INTS8: variants seen among roughly 807,000 people sequenced by gnomAD.
INTS8 encodes integrator complex subunit 8, also known as protein kaonashi-1.
Under a neutral mutation model 138.9 loss-of-function variants are expected in INTS8, and 47 were observed. The observed-to-expected ratio is 0.34, with a 90% confidence interval of 0.27 to 0.43. The LOEUF is 0.43. INTS8 is among the 20% of genes least tolerant of loss of function. The pLI is 1.00. For synonymous variants in INTS8, 392 were observed against 400.9 expected (o/e 0.98, Z 0.27); for missense variants, 996 against 1,173.0 (o/e 0.85, Z 2.20).
intron 2 of INTS8, among the ~76,000 whole-genome samples, chr8:94,826,799 A>C (rs927141655): frequency 1.3e-5 from 2 of 152,180 alleles, no homozygotes; most frequent in African/African-American, 4.8e-5. Context: ...CATAATAAAA[A>C]GTTTTAAAAA....
chr8:94,861,286 G>T (rs1352496154), intron 16 of INTS8, among the ~76,000 whole-genome samples: 1 of 10,738 alleles, frequency 9.3e-5, no homozygotes, highest in Non-Finnish European at 1.9e-4. Flanking sequence ...TTTTGAGACG[G>T]AGTCTCGCTC....
In INTS8 at chr8:94,881,577, A is replaced by T. The variant is rs1816814134; in HGVS notation, c.*1343A>T. On this transcript the variant is annotated 3_prime_UTR_variant, in exon 27 of 27. Transcript: ENST00000523731. ...TCTGTAAAACTTTAGTAGTTCAGTG[A>T]TACCAGTTCTACCCAATCTTGGTGA... The T allele has an allele frequency of 6.3e-7, 1 of 1,576,110 alleles. No homozygotes were observed. The highest frequency in any genetic ancestry group is 1.8e-5 in the Admixed American group (1 of 55,286).
chr8:94,838,855 T>C (rs145030828), intron 8 of INTS8, among the ~76,000 whole-genome samples: 53 of 152,372 alleles, frequency 3.5e-4, no homozygotes, highest in Non-Finnish European at 6.6e-4. Flanking sequence ...TACTTCATCA[T>C]TGCTGTTATC....
At chr8:94,868,054 T>C (rs111876312) in intron 20 of INTS8, among the ~76,000 whole-genome samples, 11 of 152,230 alleles carry the variant, frequency 7.2e-5, no homozygotes, top group African/African-American at 2.7e-4. Flanking sequence ...CCCAATCTCT[T>C]TTAGTTGCTG....
intron 6 of INTS8, among the ~76,000 whole-genome samples, chr8:94,835,314 T>G (rs1441914885): frequency 1.3e-5 from 2 of 152,348 alleles, no homozygotes; most frequent in African/African-American, 4.8e-5. Flanking sequence ...CTAAATAATC[T>G]GAGTCTTTTT....
At chr8:94,829,227 T>TATA (rs1393668766) in intron 5 of INTS8, among the ~76,000 whole-genome samples, 2 of 152,020 alleles carry the variant, frequency 1.3e-5, no homozygotes, top group African/African-American at 4.8e-5. Flanking sequence ...TCCATTATTA[T>TATA]TACGTTGTAA....
At chr8:94,878,802 C>CAGAA (rs1816670136) in intron 26 of INTS8, among the ~76,000 whole-genome samples, 1 of 152,216 alleles carries the variant, frequency 6.6e-6, no homozygotes, top group Non-Finnish European at 1.5e-5. Flanking sequence ...GGATACTTTT[C>CAGAA]AGTCCTTTTC....
intron 14 of INTS8, 136 bp downstream of exon 14, chr8:94,854,051 A>G (rs569444255): frequency 2.2e-4 from 119 of 529,380 alleles, no homozygotes; most frequent in Non-Finnish European, 3.4e-4. Flanking sequence ...CCTGGCCAAC[A>G]TGGTGAAACC....
chr8:94,832,118 G>A lies in INTS8; in HGVS notation c.697G>A (p.Glu233Lys). The A allele has an allele frequency of 6.2e-7, 1 of 1,613,856 alleles. No individual in the cohort carries two copies. Among genetic ancestry groups the A allele is most frequent in the Non-Finnish European group, 8.5e-7 (1 of 1,179,920 alleles). ...LAMEPGMVNG[E>K]TESSTAGLKV... Reference sequence around the variant, plus strand: ...CATGGAACCAGGCATGGTAAATGGAGAAACTGAGAGTTCTACTGCTGGATT... The same window carrying A: ...CATGGAACCAGGCATGGTAAATGGAAAAACTGAGAGTTCTACTGCTGGATT... The change falls in exon 6 of 27, where the codon GAA becomes AAA. Residue 233 changes from glutamate to lysine, a missense_variant. By Grantham distance (56) the Glu-to-Lys change is moderately conservative. Coordinates refer to ENST00000523731, the MANE Select transcript of INTS8 (RefSeq NM_017864.4).
rs1816769573 is a variant in INTS8 at position 94,880,554 on chromosome 8, C to G, written c.*320C>G. 1 of 313,576 alleles carries G rather than the reference C, an allele frequency of 3.2e-6. No individual in the cohort carries two copies. Among genetic ancestry groups the G allele is most frequent in the Non-Finnish European group, 5.7e-6 (1 of 175,540 alleles). 19.4% of individuals were successfully genotyped at this position (313,576 alleles called of 1,614,324 possible). Reference sequence around the variant, plus strand: ...ATTTAAAATATTTAGAAATAGCTAGCCTATGTACAGCAAGTTTTCATGTCT... The same window carrying G: ...ATTTAAAATATTTAGAAATAGCTAGGCTATGTACAGCAAGTTTTCATGTCT... On this transcript the variant is annotated 3_prime_UTR_variant, in exon 27 of 27. Coordinates refer to ENST00000523731, the MANE Select transcript of INTS8 (RefSeq NM_017864.4).
chr8:94,826,803 T>C (rs938136876), intron 2 of INTS8, among the ~76,000 whole-genome samples: 2 of 152,118 alleles, frequency 1.3e-5, no homozygotes, highest in African/African-American at 4.8e-5. Context: ...ATAAAAAGTT[T>C]TAAAAATCTT....
intron 15 of INTS8, among the ~76,000 whole-genome samples, chr8:94,858,344 A>G (rs1381129867): frequency 6.6e-6 from 1 of 152,226 alleles, no homozygotes; most frequent in Non-Finnish European, 1.5e-5. Context: ...TATAGATCAT[A>G]ACTTTTTAGT....
chr8:94,835,554 G>C (rs986448673), intron 6 of INTS8, among the ~76,000 whole-genome samples: 6 of 151,768 alleles, frequency 4.0e-5, no homozygotes, highest in Admixed American at 6.6e-5. Flanking sequence ...TCCCTCTCCT[G>C]TGTTAGAAAA....
chr8:94,867,396 G>T, intron 20 of INTS8, 59 bp downstream of exon 20: 1 of 1,232,450 alleles, frequency 8.1e-7, no homozygotes, highest in South Asian at 1.3e-5. Flanking sequence ...AAACCATTCT[G>T]ACTAGTATAG....
chr8:94,868,148 G>A (rs1177357858), intron 20 of INTS8, among the ~76,000 whole-genome samples: 1 of 152,086 alleles, frequency 6.6e-6, no homozygotes, highest in Non-Finnish European at 1.5e-5. Context: ...TAAGATGATG[G>A]GGACTTTTTT....
chr8:94,867,236 A>T (rs578047743), intron 19 of INTS8, 40 bp downstream of exon 19: 1 of 1,600,794 alleles, frequency 6.2e-7, no homozygotes, highest in South Asian at 1.1e-5. Context: ...ATTTAAAAGA[A>T]ATTTCTTTGT....
intron 20 of INTS8, among the ~76,000 whole-genome samples, chr8:94,871,224 C>T (rs140089646): frequency 7.3e-5 from 11 of 151,416 alleles, no homozygotes; most frequent in African/African-American, 1.2e-4. Flanking sequence ...TCCCCAGCAC[C>T]GGGAGGCTGA....
rs1253674435 is a variant in INTS8, at chr8:94,824,987, C to G, written c.225C>G (p.Asn75Lys). 2.5e-6 allele frequency: 4 copies of G among 1,612,248 alleles called. No individual in the cohort carries two copies. In the African/African-American group the frequency reaches 5.3e-5, roughly 22 times the overall value. ...EQNQVQPPPD[N>K]KRNRILKLLA... is the part of the protein sequence containing the mutation. ...ACCAAGTTCAACCTCCGCCTGATAA[C>G]AAGAGAAATCGTATTTTAAAACTAC... The change falls in exon 2 of 27, where the codon AAC (asparagine) becomes AAG (lysine). Residue 75 changes from asparagine (N) to lysine (K), a missense_variant. Coordinates refer to ENST00000523731, the MANE Select transcript of INTS8 (RefSeq NM_017864.4).
chr8:94,880,017 A>C (rs1202746378), intron 26 of INTS8, 101 bp from the exon 27 acceptor site: 1 of 763,106 alleles, frequency 1.3e-6, no homozygotes, highest in African/African-American at 1.8e-5. Context: ...TTAATCATTA[A>C]ACTGTATCGT....
Sources: gnomAD v4.1 joint callset for allele counts (sites outside exome capture counted in the v4.1 genomes callset) on GRCh38, gnomAD v4.1.1 for gene constraint, MANE v1.5 for transcripts, NCBI Gene and HGNC (gene_info 2026-07-23, HGNC 2026-07-21) for gene names.